Variants in IL36RN observed in about 807,000 individuals in gnomAD.
The protein encoded by IL36RN is interleukin 36 receptor antagonist, also known as interleukin-36 receptor antagonist protein.
IL36RN carries 11 observed loss-of-function variants against 13.0 expected under a neutral mutation model. That is an observed-to-expected ratio of 0.85 (90% CI 0.53 to 1.40). The LOEUF (loss-of-function observed/expected upper bound fraction) is 1.40, where lower values mean the gene tolerates loss of function less well. Ranked by LOEUF, IL36RN falls within the 40% of genes most tolerant of loss-of-function variation. The pLI is 0.00. For synonymous variants in IL36RN, 94 were observed against 84.1 expected, an observed-to-expected ratio of 1.12 and a Z score of -0.64; for missense variants, 195 against 195.3, an observed-to-expected ratio of 1.00 and a Z score of 0.01.
Position 113,062,831 on chromosome 2 carries a change from G to T in IL36RN, c.*154G>T. ...CACTTTGTCTTCTGGTTCCCAGTTT[G>T]GATAAATTCTGAGATTTGGAGCTCA... is the stretch of plus-strand genomic sequence containing the variant. On this transcript the variant is annotated 3_prime_UTR_variant, in exon 5 of 5. Transcript: ENST00000393200. The T allele has an allele frequency of 1.4e-6, 1 of 725,728 alleles. No homozygotes were observed. 45.0% of individuals were successfully genotyped at this position (725,728 alleles called of 1,614,324 possible).
Position 113,059,573 on chromosome 2 carries a change from T to C in IL36RN, c.29+106T>C, listed in dbSNP as rs145817600. 1,553 of 1,308,586 alleles carry C rather than the reference T, an allele frequency of 1.2e-3. 13 individuals carry two copies. In the African/African-American group the frequency reaches 0.02, roughly 17 times the overall value. 81.1% of individuals were successfully genotyped at this position (1,308,586 alleles called of 1,614,324 possible). On this transcript the variant is annotated intron_variant, in intron 2 of 4. Transcript: ENST00000393200. ...GGAGGGAGGAAGGGAGGGGCTGCCA[T>C]TGCAGCTGGGAAATTGTGACCAGCA...
In IL36RN at chr2:113,062,789, C is replaced by A; in HGVS notation, c.*112C>A. 1 of 950,280 alleles carries A rather than the reference C, an allele frequency of 1.1e-6. No individual in the cohort carries two copies. 58.9% of individuals were successfully genotyped at this position (950,280 alleles called of 1,614,324 possible). On this transcript the variant is annotated 3_prime_UTR_variant, in exon 5 of 5. Transcript: ENST00000393200. ...CTGCTCTCAGGACCCCCACGTCTGA[C>A]TTAGTGGGCACCTGACCACTTTGTC...
rs1282863181 is a variant in IL36RN at position 113,062,759 on chromosome 2, T to C, written c.*82T>C. ...GAGGAGACCCATGGCGGACAATCAC[T>C]CTCTCTGCTCTCAGGACCCCCACGT... On this transcript the variant is annotated 3_prime_UTR_variant, in exon 5 of 5. Coordinates refer to ENST00000393200, the MANE Select transcript of IL36RN (RefSeq NM_012275.3). 1.6e-6 allele frequency: 2 copies of C among 1,216,048 alleles called. No homozygotes were observed. The highest frequency in any genetic ancestry group is 3.0e-5 in the African/African-American group (2 of 66,826). The allele number at this position is 1,216,048 out of a possible 1,614,324, so 75.3% of individuals were successfully genotyped here. A position where few individuals can be genotyped will look rare whatever the true frequency, so the allele number is the denominator to read the frequency against.
In IL36RN at chr2:113,063,794, C is replaced by T. The variant is rs28938780; in HGVS notation, c.*1117C>T. 361 of 152,290 alleles carry T rather than the reference C, an allele frequency of 2.4e-3. No individual in the cohort carries two copies. The highest frequency in any genetic ancestry group is 8.2e-3 in the African/African-American group (341 of 41,570). The allele number at this position is 152,290 out of a possible 1,614,324, so 9.4% of individuals were successfully genotyped here. A position where few individuals can be genotyped will look rare whatever the true frequency, so the allele number is the denominator to read the frequency against. On this transcript the variant is annotated 3_prime_UTR_variant, in exon 5 of 5. Coordinates refer to ENST00000393200, the MANE Select transcript of IL36RN (RefSeq NM_012275.3). ...GTGGCTGGAATCTCTGGGTAAGGAA[C>T]TTAAAGAACAAAAATCATCTGGTAA...
At chr2:113,060,179 G>A (rs778177231) in intron 2 of IL36RN, among the ~76,000 whole-genome samples, 1 of 152,094 alleles carries the variant, frequency 6.6e-6, no homozygotes, top group Non-Finnish European at 1.5e-5. Flanking sequence ...TTGTTGAATT[G>A]TATTTAGCCA....
rs1257365381 is a variant in IL36RN at position 113,062,859 on chromosome 2, C to T, written c.*182C>T. 9.0e-6 allele frequency: 6 copies of T among 663,374 alleles called. No individual in the cohort carries two copies. Among genetic ancestry groups the T allele is most frequent in the Non-Finnish European group, 1.6e-5 (6 of 368,036 alleles). The allele number at this position is 663,374 out of a possible 1,614,324, so 41.1% of individuals were successfully genotyped here. ...TAAATTCTGAGATTTGGAGCTCAGT[C>T]CACGGTCCTCCCCCACTGGATGGTG... On this transcript the variant is annotated 3_prime_UTR_variant, in exon 5 of 5. Transcript: ENST00000393200.
chr2:113,060,417 A>C (rs1245736625), intron 2 of IL36RN, among the ~76,000 whole-genome samples: 2 of 152,232 alleles, frequency 1.3e-5, no homozygotes, highest in African/African-American at 2.4e-5. Context: ...AGAATTGAAG[A>C]ATCAGGCTTT....
At position 113,062,591 on chromosome 2, in the gene IL36RN, G is replaced by T. The variant is rs763990369; in HGVS notation, c.382G>T (p.Asp128Tyr). ...GWFLCTVPEA[D>Y]QPVRLTQLPE... ...GTTCCTGTGCACGGTGCCTGAAGCC[G>T]ATCAGCCTGTCAGACTCACCCAGCT... is the stretch of plus-strand genomic sequence containing the variant. The change falls in exon 5 of 5, where the codon GAT (aspartate) becomes TAT (tyrosine). Residue 128 changes from aspartate (D) to tyrosine (Y), a missense_variant. Transcript: ENST00000393200. 1 of 1,613,718 alleles carries T rather than the reference G, an allele frequency of 6.2e-7. No homozygotes were observed. The highest frequency in any genetic ancestry group is 8.5e-7 in the Non-Finnish European group (1 of 1,180,028).
At chr2:113,059,711 G>A (rs1009496819) in intron 2 of IL36RN, among the ~76,000 whole-genome samples, 1 of 152,190 alleles carries the variant, frequency 6.6e-6, no homozygotes, top group Non-Finnish European at 1.5e-5. Context: ...TCCCAGTCTA[G>A]AGCTCCAGCC....
In IL36RN at chr2:113,063,482, G is replaced by A. The variant is rs896744968; in HGVS notation, c.*805G>A. ...AAGTCTGGAAGAGTTTACTTCAATT[G>A]TAGCAATGTCAGGGTGGTGGCAGTA... is the stretch of plus-strand genomic sequence containing the variant. On this transcript the variant is annotated 3_prime_UTR_variant, in exon 5 of 5. Transcript: ENST00000393200. 2.0e-5 allele frequency: 3 copies of A among 152,088 alleles called. No individual in the cohort carries two copies. The highest frequency in any genetic ancestry group is 7.2e-5 in the African/African-American group (3 of 41,416). 9.4% of individuals were successfully genotyped at this position (152,088 alleles called of 1,614,324 possible).
intron 3 of IL36RN, 27 bp from the exon 4 acceptor site, chr2:113,062,097 G>A (rs1365209675): frequency 6.2e-7 from 1 of 1,612,340 alleles, no homozygotes; most frequent in African/African-American, 1.3e-5. Flanking sequence ...GGCATCCAGG[G>A]CCCTGCATCT....
rs1292126146 is a variant in IL36RN, at chr2:113,059,442, G to T, written c.4G>T (p.Val2Phe). M[V>F]LSGALCFRMK... Reference sequence around the variant, plus strand: ...TCTACACCCTGTGGAGCTCAAGATGGTCCTGAGTGGGGCGCTGTGCTTCCG... The same window carrying T: ...TCTACACCCTGTGGAGCTCAAGATGTTCCTGAGTGGGGCGCTGTGCTTCCG... Residue 2 changes from valine to phenylalanine, a missense_variant, in exon 2 of 5, where the codon GTC becomes TTC. Coordinates refer to ENST00000393200, the MANE Select transcript of IL36RN (RefSeq NM_012275.3). The T allele has an allele frequency of 1.2e-5, 20 of 1,613,958 alleles. No individual in the cohort carries two copies. The highest frequency in any genetic ancestry group is 2.2e-5 in the East Asian group (1 of 44,884).
At position 113,062,723 on chromosome 2, in the gene IL36RN, AG is replaced by A; in HGVS notation, c.*50del. ...TCCCTGGGCAGAGCCAGCTCGGGTG[AG>A]GGGTGAGTGGAGGAGACCCATGGCG... On this transcript the variant is annotated 3_prime_UTR_variant, in exon 5 of 5. Transcript: ENST00000393200. The A allele has an allele frequency of 6.5e-7, 1 of 1,538,710 alleles. No homozygotes were observed. The highest frequency in any genetic ancestry group is 8.9e-7 in the Non-Finnish European group (1 of 1,126,770).
In IL36RN at chr2:113,060,280, G is replaced by A. The variant is rs868767206; in HGVS notation, c.30-572G>A. Among the ~76,000 whole-genome samples the A allele has an allele frequency of 2.6e-5, 4 of 152,264 alleles. No homozygotes were observed. The South Asian group carries it at 8.3e-4, about 32-fold the overall frequency. On this transcript the variant is annotated intron_variant, in intron 2 of 4. Transcript: ENST00000393200. ...GGATACATCTTCCACCTCATAGGAT[G>A]CCAGGAAATCAACTGAGTTCAAAGA...
At position 113,063,021 on chromosome 2, in the gene IL36RN, C is replaced by T. The variant is rs187067535; in HGVS notation, c.*344C>T. On this transcript the variant is annotated 3_prime_UTR_variant, in exon 5 of 5. Transcript: ENST00000393200. ...AACTGACCAGTGTTACCCTGAGCCC[C>T]GCAGGCCAACCCATCCCCAGTTGAG... The T allele has an allele frequency of 1.6e-5, 6 of 373,870 alleles. No individual in the cohort carries two copies. In the East Asian group the frequency reaches 2.0e-4, roughly 13 times the overall value. 23.2% of individuals were successfully genotyped at this position (373,870 alleles called of 1,614,324 possible).
rs28938775 is a variant in IL36RN, at chr2:113,061,638, G to A, written c.116-486G>A. 4.9e-3 allele frequency among the ~76,000 whole-genome samples: 740 copies of A among 152,172 alleles called. 9 individuals carry two copies. Among genetic ancestry groups the A allele is most frequent in the African/African-American group, 0.017 (701 of 41,468 alleles). On this transcript the variant is annotated intron_variant, in intron 3 of 4. Coordinates refer to ENST00000393200, the MANE Select transcript of IL36RN (RefSeq NM_012275.3). ...TGTGAGTGCAGGTATGTAGGTATGAGCATGTGTGTGTATATGTATATGTGT... is the reference window on the plus strand; with the variant it reads ...TGTGAGTGCAGGTATGTAGGTATGAACATGTGTGTGTATATGTATATGTGT...
chr2:113,060,986 G>A (rs752123006), intron 3 of IL36RN, 49 bp downstream of exon 3: 4 of 1,410,144 alleles, frequency 2.8e-6, no homozygotes, highest in Non-Finnish European at 4.0e-6. Flanking sequence ...TACACTCTCA[G>A]GGGAGGGGGC....
upstream of IL36RN, chr2:113,058,838 G>T (rs1052496664): frequency 6.5e-6 from 1 of 153,270 alleles, no homozygotes; most frequent in African/African-American, 2.4e-5. Flanking sequence ...AGGGAAAAGG[G>T]AGGGAGTGAG....
chr2:113,059,515 G>A (rs1289336065), intron 2 of IL36RN, 48 bp downstream of exon 2: 2 of 1,606,730 alleles, frequency 1.2e-6, no homozygotes, highest in South Asian at 1.1e-5. Flanking sequence ...GAGGAAGTGA[G>A]TTCTGGATAG....
Sources: allele counts gnomAD v4.1 joint callset (sites outside exome capture counted in the v4.1 genomes callset), GRCh38; gene constraint gnomAD v4.1.1; transcripts MANE v1.5; gene names NCBI Gene and HGNC (gene_info 2026-07-23, HGNC 2026-07-21).